The following PUM1 variants were observed in gnomAD, a reference collection of about 807,000 sequenced individuals.
The protein encoded by PUM1 is pumilio homolog 1.
PUM1 carries 13 observed loss-of-function variants against 131.8 expected under a neutral mutation model. The ratio of observed to expected loss-of-function variants is 0.10; its 90% CI spans 0.06 to 0.16. PUM1 has a LOEUF of 0.16. Among genes scored for constraint, PUM1 ranks in the 10% least tolerant of loss-of-function variants. The pLI is 1.00. For synonymous variants in PUM1, 509 were observed against 556.5 expected (o/e 0.91, Z 1.20); for missense variants, 961 against 1,512.4 (o/e 0.64, Z 6.05).
rs550384661 is a variant in PUM1 at position 31,022,069 on chromosome 1, C to T, written c.432+6727G>A. On this transcript the variant is annotated intron_variant, in intron 3 of 21. Transcript: ENST00000426105. ...AATATTTTGTAGCTATTATTACTTCCGAGCCTAGAAAAAAAAAAAAAACAG... is the reference window on the plus strand; with the variant it reads ...AATATTTTGTAGCTATTATTACTTCTGAGCCTAGAAAAAAAAAAAAAACAG... Among the ~76,000 whole-genome samples the T allele has an allele frequency of 5.4e-4, 58 of 107,864 alleles. 1 individual carries two copies. The South Asian group carries it at 0.019, about 35-fold the overall frequency. 70.8% of individuals were successfully genotyped at this position (107,864 alleles called of 152,430 possible).
At position 31,025,778 on chromosome 1, in the gene PUM1, A is replaced by C. The variant is rs537959547; in HGVS notation, c.432+3018T>G. Among the ~76,000 whole-genome samples, 16 of 150,984 alleles carry C rather than the reference A, an allele frequency of 1.1e-4. No individual in the cohort carries two copies. The East Asian group carries it at 3.1e-3, about 30-fold the overall frequency. On this transcript the variant is annotated intron_variant, in intron 3 of 21. Coordinates refer to ENST00000426105, the MANE Select transcript of PUM1 (RefSeq NM_001020658.2). ...ACTATGTTGACCAGGCTGGTCTCAAACTCCTGACCTCAGGTGATCTGCCCA... is the reference window on the plus strand; with the variant it reads ...ACTATGTTGACCAGGCTGGTCTCAACCTCCTGACCTCAGGTGATCTGCCCA...
At chr1:31,026,944 C>CAAAAAAAAAAAAAAAAAAAAAAAAAA (rs35459131) in intron 3 of PUM1, among the ~76,000 whole-genome samples, 1 of 106,524 alleles carries the variant, frequency 9.4e-6, no homozygotes, top group Non-Finnish European at 2.1e-5. Context: ...ACATATACCA[C>CAAAAAAAAAAAAAAAAAAAAAAAAAA]AAAAAAAAAA....
At chr1:30,965,017 T>C (rs1196765608) in intron 13 of PUM1, 107 bp from the exon 14 acceptor site, 2 of 863,518 alleles carry the variant, frequency 2.3e-6, no homozygotes, top group Non-Finnish European at 3.7e-6. Flanking sequence ...CCACCGCAAA[T>C]TTGTCAGCAG....
chr1:30,955,338 G>T (rs911353084), intron 14 of PUM1, among the ~76,000 whole-genome samples: 2 of 149,960 alleles, frequency 1.3e-5, no homozygotes, highest in African/African-American at 4.9e-5. Context: ...GTGGTGGCAG[G>T]TGCCTGTAAT....
At chr1:30,944,539 C>T (rs1639590197) in intron 18 of PUM1, among the ~76,000 whole-genome samples, 1 of 152,126 alleles carries the variant, frequency 6.6e-6, no homozygotes, top group Non-Finnish European at 1.5e-5. Flanking sequence ...TACAGGAAAA[C>T]AGGAGAAACT....
intron 3 of PUM1, among the ~76,000 whole-genome samples, chr1:31,007,380 A>G (rs1029562611): frequency 1.3e-5 from 2 of 152,194 alleles, no homozygotes; most frequent in Admixed American, 1.3e-4. Context: ...CGCTTAACCC[A>G]TGCCAAGATT....
intron 18 of PUM1, 27 bp from the exon 19 acceptor site, chr1:30,942,150 A>C (rs1639460634): frequency 1.4e-6 from 2 of 1,460,590 alleles, no homozygotes; most frequent in South Asian, 2.3e-5. Context: ...ACAAATGAGA[A>C]GCAAAAATGA....
chr1:31,026,681 G>A (rs1163176988), intron 3 of PUM1, among the ~76,000 whole-genome samples: 1 of 152,160 alleles, frequency 6.6e-6, no homozygotes, highest in Non-Finnish European at 1.5e-5. Flanking sequence ...TCACTTACTA[G>A]ATGTGTTACC....
At chr1:31,052,061 G>A (rs1372554937) in intron 2 of PUM1, among the ~76,000 whole-genome samples, 1 of 151,966 alleles carries the variant, frequency 6.6e-6, no homozygotes, top group South Asian at 2.1e-4. Flanking sequence ...CGCCCAGGCT[G>A]GAGGGCAGTG....
intron 20 of PUM1, among the ~76,000 whole-genome samples, chr1:30,938,888 T>C (rs886869529): frequency 2.9e-5 from 3 of 102,938 alleles, no homozygotes; most frequent in South Asian, 7.6e-4. Flanking sequence ...GATAGATAGA[T>C]AGATAGATAG....
chr1:30,976,089 CAA>C (rs11398686), intron 9 of PUM1, among the ~76,000 whole-genome samples: 8 of 131,254 alleles, frequency 6.1e-5, no homozygotes, highest in Admixed American at 7.8e-5. Flanking sequence ...AGTGTGTCTC[CAA>C]AAAAAAAAAA....
chr1:30,960,905 C>A (rs1640377105), intron 14 of PUM1, among the ~76,000 whole-genome samples: 1 of 151,790 alleles, frequency 6.6e-6, no homozygotes, highest in Admixed American at 6.6e-5. Context: ...TTCTTCGATA[C>A]TATTCCAAAA....
chr1:30,994,746 T>A lies in PUM1; in HGVS notation c.887+308A>T, dbSNP rs1196258397. Among the ~76,000 whole-genome samples, 3 of 152,358 alleles carry A rather than the reference T, an allele frequency of 2.0e-5. No individual in the cohort carries two copies. The East Asian group carries it at 5.8e-4, about 29-fold the overall frequency. ...GAAACTTAAGAAAGGTTCCAAGGCA[T>A]CTATCCTAGGTGATTTTAATATCTG... On this transcript the variant is annotated intron_variant, in intron 6 of 21. Transcript: ENST00000426105.
At chr1:30,973,437 T>A (rs1641010402) in intron 10 of PUM1, among the ~76,000 whole-genome samples, 1 of 152,188 alleles carries the variant, frequency 6.6e-6, no homozygotes, top group South Asian at 2.1e-4. Flanking sequence ...AAAACTCCAT[T>A]ACTAGGAATT....
intron 3 of PUM1, among the ~76,000 whole-genome samples, chr1:31,020,631 C>T (rs1204020189): frequency 2.0e-5 from 3 of 152,212 alleles, no homozygotes; most frequent in Admixed American, 6.5e-5. Flanking sequence ...AAGAATACTC[C>T]ACATCAAGAT....
intron 3 of PUM1, among the ~76,000 whole-genome samples, chr1:31,027,964 C>T (rs1169810637): frequency 1.3e-5 from 2 of 152,162 alleles, no homozygotes; most frequent in South Asian, 2.1e-4. Context: ...GAAAACCTAA[C>T]GTCACTTTCC....
At chr1:30,957,087 TACAC>T (rs58044891) in intron 14 of PUM1, among the ~76,000 whole-genome samples, 3,518 of 139,952 alleles carry the variant, frequency 0.025, 87 homozygotes, top group East Asian at 0.12. Context: ...AGGACATTCA[TACAC>T]ACACACACAC....
chr1:31,009,169 C>T (rs149498022), intron 3 of PUM1, among the ~76,000 whole-genome samples: 1 of 149,590 alleles, frequency 6.7e-6, no homozygotes, highest in Non-Finnish European at 1.5e-5. Flanking sequence ...GGCAACAGAG[C>T]GAGACTCCAT....
rs148959411 is a variant in PUM1 at position 31,026,122 on chromosome 1, G to A, written c.432+2674C>T. On this transcript the variant is annotated intron_variant, in intron 3 of 21. Coordinates refer to ENST00000426105, the MANE Select transcript of PUM1 (RefSeq NM_001020658.2). ...AAAAATAAAATTAGCCGGGCACGGC[G>A]GCATGCACCTGTAGTCCAAGCTACT... Among the ~76,000 whole-genome samples, 553 of 151,912 alleles carry A rather than the reference G, an allele frequency of 3.6e-3. 2 individuals carry two copies. Among genetic ancestry groups the A allele is most frequent in the African/African-American group, 0.012 (516 of 41,428 alleles).
Sources: gnomAD v4.1 joint callset for allele counts (sites outside exome capture counted in the v4.1 genomes callset) on GRCh38, gnomAD v4.1.1 for gene constraint, MANE v1.5 for transcripts, NCBI Gene and HGNC (gene_info 2026-07-23, HGNC 2026-07-21) for gene names.